Variants in SLC35A1 observed in about 807,000 individuals in gnomAD.
SLC35A1 encodes the protein CMP-sialic acid transporter.
Under a neutral mutation model 40.3 loss-of-function variants are expected in SLC35A1, and 21 were observed. That is an observed-to-expected ratio of 0.52 (90% CI 0.37 to 0.75). The LOEUF (loss-of-function observed/expected upper bound fraction) is 0.75. Ranked by LOEUF, SLC35A1 falls within the 30% of genes least tolerant of loss-of-function variation. The pLI is 0.00. For missense variants in SLC35A1, 297 were observed against 382.1 expected (o/e 0.78, Z 1.86); for synonymous variants, 146 against 147.3 (o/e 0.99, Z 0.06).
chr6:87,495,457 A>G (rs1457927369), intron 2 of SLC35A1, among the ~76,000 whole-genome samples: 1 of 152,212 alleles, frequency 6.6e-6, no homozygotes, highest in African/African-American at 2.4e-5. Context: ...AAATTAATGT[A>G]TCTGTCAAAT....
intron 2 of SLC35A1, among the ~76,000 whole-genome samples, chr6:87,490,623 G>A (rs558749666): frequency 6.6e-6 from 1 of 152,244 alleles, no homozygotes; most frequent in East Asian, 1.9e-4. Context: ...AAAGGAAAAA[G>A]ATATTTCTTT....
At chr6:87,482,636 T>C (rs1023174715) in intron 2 of SLC35A1, among the ~76,000 whole-genome samples, 1 of 152,164 alleles carries the variant, frequency 6.6e-6, no homozygotes, top group Non-Finnish European at 1.5e-5. Context: ...GGAGGAACCA[T>C]CTATCGTCCT....
chr6:87,499,923 C>T (rs1769866725), intron 2 of SLC35A1, among the ~76,000 whole-genome samples: 2 of 152,102 alleles, frequency 1.3e-5, no homozygotes, highest in African/African-American at 2.4e-5. Flanking sequence ...TGAAACCAGC[C>T]TGGCCAACAA....
intron 2 of SLC35A1, among the ~76,000 whole-genome samples, chr6:87,479,369 A>G (rs1222000413): frequency 6.6e-6 from 1 of 152,216 alleles, no homozygotes; most frequent in Non-Finnish European, 1.5e-5. Context: ...CCACAGATGC[A>G]TGGTATGACA....
chr6:87,494,006 A>C (rs1769639032), intron 2 of SLC35A1, among the ~76,000 whole-genome samples: 1 of 152,226 alleles, frequency 6.6e-6, no homozygotes, highest in African/African-American at 2.4e-5. Flanking sequence ...TGACGTGGTC[A>C]AAGTAGTAAA....
intron 4 of SLC35A1, among the ~76,000 whole-genome samples, chr6:87,503,401 T>C (rs1411915297): frequency 6.6e-6 from 1 of 152,210 alleles, no homozygotes; most frequent in East Asian, 1.9e-4. Context: ...ACCATTTTTC[T>C]GTATGAGCAT....
At chr6:87,508,632 CT>C in intron 6 of SLC35A1, 36 bp downstream of exon 6, 2 of 1,552,686 alleles carry the variant, frequency 1.3e-6, no homozygotes, top group Non-Finnish European at 1.8e-6. Flanking sequence ...TTAGTAGATC[CT>C]TTATTTTTTT....
chr6:87,477,737 A>G (rs1051443428), intron 2 of SLC35A1, among the ~76,000 whole-genome samples, 198 bp downstream of exon 2: 5 of 152,184 alleles, frequency 3.3e-5, no homozygotes, highest in Admixed American at 3.3e-4. Flanking sequence ...GTGGAGACCA[A>G]GGATGCTGCT....
chr6:87,499,144 C>T (rs1769835298), intron 2 of SLC35A1: 1 of 981,978 alleles, frequency 1.0e-6, no homozygotes, highest in African/African-American at 1.7e-5. Context: ...GTAGAATGTT[C>T]TACAGCAAAT....
intron 4 of SLC35A1, among the ~76,000 whole-genome samples, chr6:87,505,592 A>G (rs1033329695): frequency 2.0e-5 from 3 of 152,198 alleles, no homozygotes; most frequent in Non-Finnish European, 2.9e-5. Context: ...TATTTGGCCC[A>G]TGGTTCTGGA....
chr6:87,512,027 G>C lies in SLC35A1; in HGVS notation c.*501G>C, dbSNP rs1239954357. ...TCTTACAAGAGGCAGAAACAAGACA[G>C]GCTAGTTCATAAACAAACTGTGTAA... On this transcript the variant is annotated 3_prime_UTR_variant, in exon 8 of 8. Coordinates refer to ENST00000369552, the MANE Select transcript of SLC35A1 (RefSeq NM_006416.5). 2.9e-5 allele frequency: 4 copies of C among 136,624 alleles called. No homozygotes were observed. The East Asian group carries it at 6.9e-4, about 24-fold the overall frequency. The allele number at this position is 136,624 out of a possible 1,614,324, so 8.5% of individuals were successfully genotyped here. A position where few individuals can be genotyped will look rare whatever the true frequency, so the allele number is the denominator to read the frequency against.
chr6:87,498,938 G>T (rs1413952368), intron 2 of SLC35A1, among the ~76,000 whole-genome samples: 1 of 152,124 alleles, frequency 6.6e-6, no homozygotes, highest in African/African-American at 2.4e-5. Flanking sequence ...TGGTATTTTT[G>T]GTATTCTTCT....
chr6:87,473,994 A>G (rs1768996708), intron 1 of SLC35A1, among the ~76,000 whole-genome samples: 1 of 152,268 alleles, frequency 6.6e-6, no homozygotes, highest in Non-Finnish European at 1.5e-5. Context: ...CTTTAGTTGC[A>G]TATGCTTCTC....
intron 5 of SLC35A1, among the ~76,000 whole-genome samples, chr6:87,507,870 A>G (rs1770136835): frequency 7.5e-6 from 1 of 132,554 alleles, no homozygotes; most frequent in Non-Finnish European, 1.8e-5. Context: ...GATCCTTCTG[A>G]CCTTGTGTAT....
intron 2 of SLC35A1, among the ~76,000 whole-genome samples, chr6:87,492,935 T>C (rs1274268513): frequency 6.6e-6 from 1 of 152,214 alleles, no homozygotes; most frequent in Non-Finnish European, 1.5e-5. Flanking sequence ...AACAAGTGTC[T>C]TTTGGAGAGA....
intron 7 of SLC35A1, 25 bp downstream of exon 7, chr6:87,509,200 T>C: frequency 6.2e-7 from 1 of 1,613,860 alleles, no homozygotes; most frequent in South Asian, 1.1e-5. Flanking sequence ...GTGTTGAGTT[T>C]TTAACATGGA....
At chr6:87,492,715 A>G (rs1769591030) in intron 2 of SLC35A1, among the ~76,000 whole-genome samples, 1 of 151,698 alleles carries the variant, frequency 6.6e-6, no homozygotes, top group Admixed American at 6.6e-5. Context: ...ACACCCGGCT[A>G]ATTTTTGTAT....
At chr6:87,509,380 G>A (rs1218011470) in intron 7 of SLC35A1, among the ~76,000 whole-genome samples, 1 of 152,198 alleles carries the variant, frequency 6.6e-6, no homozygotes, top group African/African-American at 2.4e-5. Flanking sequence ...GGTGGTCTTA[G>A]AGGTTAAGAC....
intron 4 of SLC35A1, 97 bp from the exon 5 acceptor site, chr6:87,506,285 G>C (rs1770079664): frequency 2.1e-6 from 2 of 931,782 alleles, no homozygotes; most frequent in Non-Finnish European, 3.5e-6. Context: ...TATACTTTTA[G>C]TAAGACTGTA....
Sources: gnomAD v4.1 joint callset for allele counts (sites outside exome capture counted in the v4.1 genomes callset) on GRCh38, gnomAD v4.1.1 for gene constraint, MANE v1.5 for transcripts, NCBI Gene and HGNC (gene_info 2026-07-23, HGNC 2026-07-21) for gene names.